The following EXOC4 variants were observed in gnomAD, a reference collection of about 807,000 sequenced individuals.
The protein encoded by EXOC4 is SEC8-like 1.
In EXOC4, 71 loss-of-function variants were observed where a neutral mutation model predicts 107.2. That is an observed-to-expected ratio of 0.66 (90% CI 0.55 to 0.81). The LOEUF (loss-of-function observed/expected upper bound fraction) is 0.81. Ranked by LOEUF, EXOC4 falls within the 30% of genes least tolerant of loss-of-function variation. The pLI is 0.00. For synonymous variants in EXOC4, 456 were observed against 441.2 expected (o/e 1.03, Z -0.42); for missense variants, 1,108 against 1,189.6 (o/e 0.93, Z 1.01).
intron 10 of EXOC4, among the ~76,000 whole-genome samples, chr7:133,639,041 T>G (rs1802782709): frequency 1.3e-5 from 2 of 152,222 alleles, no homozygotes; most frequent in South Asian, 4.1e-4. Context: ...TATTCAGCAT[T>G]TGACGAAATA....
intron 17 of EXOC4, among the ~76,000 whole-genome samples, chr7:134,046,776 G>A (rs968499834): frequency 3.9e-5 from 6 of 152,040 alleles, no homozygotes; most frequent in African/African-American, 1.4e-4. Flanking sequence ...TTTTCTCCTC[G>A]CTTTTGTCCC....
intron 17 of EXOC4, among the ~76,000 whole-genome samples, chr7:134,049,768 G>T (rs186890902): frequency 6.6e-6 from 1 of 152,300 alleles, no homozygotes; most frequent in East Asian, 1.9e-4. Context: ...AGTATCTACT[G>T]TATACTACCT....
chr7:133,342,391 T>C (rs1795683329), intron 5 of EXOC4, among the ~76,000 whole-genome samples: 1 of 152,232 alleles, frequency 6.6e-6, no homozygotes, highest in Non-Finnish European at 1.5e-5. Context: ...TGTAGGTTTC[T>C]GTTTAGAAAT....
At chr7:133,537,654 A>G (rs898668672) in intron 9 of EXOC4, among the ~76,000 whole-genome samples, 1 of 152,220 alleles carries the variant, frequency 6.6e-6, no homozygotes, top group Non-Finnish European at 1.5e-5. Context: ...CTTAAGACTC[A>G]GACAAATCTA....
At chr7:134,098,059 A>T in the EXOC4 span, among the ~76,000 whole-genome samples, 1 of 152,218 alleles carries the variant, frequency 6.6e-6, no homozygotes, top group Non-Finnish European at 1.5e-5. Flanking sequence ...GGATTCACAC[A>T]TATCAACATA....
At chr7:133,279,402 C>T (rs548441314) in intron 2 of EXOC4, among the ~76,000 whole-genome samples, 5 of 152,252 alleles carry the variant, frequency 3.3e-5, no homozygotes, top group African/African-American at 1.2e-4. Context: ...ATGTGGCTAA[C>T]ATCTTAAAAG....
intron 17 of EXOC4, among the ~76,000 whole-genome samples, chr7:134,008,694 G>A (rs1794701366): frequency 1.3e-5 from 2 of 151,970 alleles, no homozygotes; most frequent in Admixed American, 1.3e-4. Context: ...CTAGGCTGGA[G>A]TGCAGTGGTG....
At chr7:134,018,813 C>T (rs1367999989) in intron 17 of EXOC4, among the ~76,000 whole-genome samples, 3 of 151,680 alleles carry the variant, frequency 2.0e-5, no homozygotes, top group Non-Finnish European at 4.4e-5. Context: ...GTGGTTTTCC[C>T]CCTTTTACTT....
intron 8 of EXOC4, chr7:133,478,944 C>T (rs1424585): frequency 6.6e-6 from 1 of 152,152 alleles, no homozygotes; most frequent in African/African-American, 2.4e-5. Context: ...GAGGGGATCA[C>T]GTAACCCAAG....
chr7:133,974,260 G>A (rs753050965), intron 14 of EXOC4, among the ~76,000 whole-genome samples: 4 of 152,302 alleles, frequency 2.6e-5, no homozygotes, highest in Middle Eastern at 3.4e-3. Context: ...GTCTGTACTA[G>A]TCACACTGTG....
At chr7:133,653,584 T>G (rs1277949141) in intron 10 of EXOC4, among the ~76,000 whole-genome samples, 2 of 152,260 alleles carry the variant, frequency 1.3e-5, no homozygotes, top group East Asian at 1.9e-4. Context: ...TCTTCAGCTC[T>G]GCAAATATCC....
chr7:133,780,765 T>C (rs1428227531), intron 10 of EXOC4, among the ~76,000 whole-genome samples: 1 of 152,136 alleles, frequency 6.6e-6, no homozygotes, highest in Non-Finnish European at 1.5e-5. Context: ...GTGGCGCCTG[T>C]AGACCAACCA....
chr7:133,330,370 G>C (rs1387615965), intron 5 of EXOC4, among the ~76,000 whole-genome samples: 1 of 151,888 alleles, frequency 6.6e-6, no homozygotes, highest in African/African-American at 2.4e-5. Flanking sequence ...GCTCCGTGGG[G>C]GTGGGACCCA....
intron 2 of EXOC4, 50 bp downstream of exon 2, chr7:133,275,221 G>A: frequency 7.0e-7 from 1 of 1,428,452 alleles, no homozygotes; most frequent in Non-Finnish European, 9.4e-7. Flanking sequence ...ATCACTATAG[G>A]TGTTGCAGCT....
At chr7:133,833,419 G>A (rs556920664) in intron 11 of EXOC4, among the ~76,000 whole-genome samples, 5 of 152,300 alleles carry the variant, frequency 3.3e-5, no homozygotes, top group Admixed American at 1.3e-4. Context: ...AGCTAAACCC[G>A]AAGGAGTGTA....
intron 10 of EXOC4, among the ~76,000 whole-genome samples, chr7:133,675,967 C>T (rs1794047556): frequency 6.6e-6 from 1 of 152,044 alleles, no homozygotes; most frequent in South Asian, 2.1e-4. Flanking sequence ...TATGCTTGTA[C>T]TATGAATAAA....
In EXOC4 at chr7:134,000,914, T is replaced by A. The variant is rs185917903; in HGVS notation, c.2348+3281T>A. Among the ~76,000 whole-genome samples the A allele has an allele frequency of 9.2e-5, 14 of 152,270 alleles. No individual in the cohort carries two copies. The East Asian group carries it at 2.3e-3, about 25-fold the overall frequency. ...CAAAAATTGGTCTTGTTCCCCCAAA[T>A]ATCTTTATATCCATAGCCCATATTT... On this transcript the variant is annotated intron_variant, in intron 15 of 17. Transcript: ENST00000253861.
At position 134,004,993 on chromosome 7, in the gene EXOC4, T is replaced by A; in HGVS notation, c.2430T>A (p.Tyr810Ter). 10 of 1,613,654 alleles carry A rather than the reference T, an allele frequency of 6.2e-6. No homozygotes were observed. Among genetic ancestry groups the A allele is most frequent in the Non-Finnish European group, 8.5e-6 (10 of 1,179,676 alleles). Residue 810 changes from tyrosine (Y) to a stop codon, truncating the protein, a stop_gained, in exon 16 of 18, where the codon TAT becomes TAA. Transcript: ENST00000253861. LOFTEE classifies it high-confidence loss of function. ...AIVANVESMD[Y>*]DPLVVKLNKD... ...TGGCTAATGTGGAAAGTATGGATTA[T>A]GACCCCCTGGTGGTCAAGCTCAACA...
chr7:134,010,946 A>G (rs1018099696), intron 17 of EXOC4, among the ~76,000 whole-genome samples: 10 of 145,520 alleles, frequency 6.9e-5, no homozygotes, highest in Admixed American at 1.3e-4. Flanking sequence ...TAATCTCTAA[A>G]TGAGGGTAGA....
Sources: gnomAD v4.1 joint callset for allele counts (sites outside exome capture counted in the v4.1 genomes callset) on GRCh38, gnomAD v4.1.1 for gene constraint, MANE v1.5 for transcripts, NCBI Gene and HGNC (gene_info 2026-07-23, HGNC 2026-07-21) for gene names.